Variants in DPP6 observed in about 807,000 individuals in gnomAD.
DPP6 encodes A-type potassium channel modulatory protein DPP6.
DPP6 carries 69 observed loss-of-function variants against 122.6 expected under a neutral mutation model. The ratio of observed to expected loss-of-function variants is 0.56; its 90% confidence interval spans 0.46 to 0.69. The LOEUF (loss-of-function observed/expected upper bound fraction) is 0.69. DPP6 is among the 30% of genes least tolerant of loss of function. The pLI is 0.00. For missense variants in DPP6, 928 were observed against 1,116.9 expected, an observed-to-expected ratio of 0.83 and a Z score of 2.41; for synonymous variants, 418 against 433.1, an observed-to-expected ratio of 0.97 and a Z score of 0.43.
the DPP6 span, among the ~76,000 whole-genome samples, chr7:153,794,784 C>T: frequency 1.3e-5 from 2 of 152,160 alleles, no homozygotes; most frequent in African/African-American, 2.4e-5. Context: ...GTAATTAAAT[C>T]ATGGGGACTG....
the DPP6 span, among the ~76,000 whole-genome samples, chr7:153,797,170 CA>C: frequency 4.6e-5 from 7 of 152,166 alleles, no homozygotes; most frequent in Non-Finnish European, 1.0e-4. Flanking sequence ...ACTTTCATCA[CA>C]GGCTTTCAAG....
At chr7:154,252,967 A>C (rs1218629839) in intron 1 of DPP6, among the ~76,000 whole-genome samples, 1 of 152,242 alleles carries the variant, frequency 6.6e-6, no homozygotes. Context: ...AAAAATCTCT[A>C]CTAAGACAAA....
In DPP6 at chr7:154,893,116, G is replaced by A. The variant is rs897248398; in HGVS notation, c.*636G>A. On this transcript the variant is annotated 3_prime_UTR_variant, in exon 26 of 26. Coordinates refer to ENST00000377770, the MANE Select transcript of DPP6 (RefSeq NM_130797.4). ...TATGGTTTTAACCTGATGCTCCACTGTCTCCGTCATGGGGTTGTTTTGCTG... is the reference window on the plus strand; with the variant it reads ...TATGGTTTTAACCTGATGCTCCACTATCTCCGTCATGGGGTTGTTTTGCTG... 4 of 361,390 alleles carry A rather than the reference G, an allele frequency of 1.1e-5. No individual in the cohort carries two copies. The highest frequency in any genetic ancestry group is 7.4e-5 in the East Asian group (1 of 13,502). The allele number at this position is 361,390 out of a possible 1,614,324, so 22.4% of individuals were successfully genotyped here.
At chr7:154,776,711 G>C (rs541165184) in intron 10 of DPP6, among the ~76,000 whole-genome samples, 10 of 152,288 alleles carry the variant, frequency 6.6e-5, no homozygotes, top group African/African-American at 2.2e-4. Flanking sequence ...GATATCTTCA[G>C]TTGTGCTGGT....
chr7:154,158,004 A>T (rs1979503), intron 1 of DPP6, among the ~76,000 whole-genome samples: 7,181 of 147,766 alleles, frequency 0.049, 218 homozygotes, highest in African/African-American at 0.068. Context: ...TATTTATACT[A>T]ATTTATTTAG....
At chr7:154,804,657 G>A (rs1798580239) in intron 14 of DPP6, among the ~76,000 whole-genome samples, 2 of 152,192 alleles carry the variant, frequency 1.3e-5, no homozygotes, top group African/African-American at 4.8e-5. Context: ...CCCAACCACA[G>A]TACCCTCTGG....
intron 1 of DPP6, among the ~76,000 whole-genome samples, chr7:153,948,596 T>C (rs966758112): frequency 5.6e-5 from 8 of 142,242 alleles, no homozygotes; most frequent in African/African-American, 1.8e-4. Flanking sequence ...CATTTTCTTC[T>C]CTACCTTCCT....
chr7:153,894,117 A>G lies in DPP6; in HGVS notation c.51+6383A>G, dbSNP rs73494316. Among the ~76,000 whole-genome samples the G allele has an allele frequency of 6.6e-3, 1,007 of 152,330 alleles. 11 individuals are homozygous for G. The highest frequency in any genetic ancestry group is 0.023 in the African/African-American group (958 of 41,572). On this transcript the variant is annotated intron_variant, in intron 1 of 25. Transcript: ENST00000404039. ...GCTTAATGAAAATGGAGTAAAGACTACAGACTAAACTTCTTGGGGACTGCC... is the reference window on the plus strand; with the variant it reads ...GCTTAATGAAAATGGAGTAAAGACTGCAGACTAAACTTCTTGGGGACTGCC...
At chr7:153,983,689 G>A (rs1796703580) in intron 1 of DPP6, among the ~76,000 whole-genome samples, 1 of 151,796 alleles carries the variant, frequency 6.6e-6, no homozygotes. Context: ...GGCACCCAAG[G>A]GAATCTCCTG....
At chr7:154,649,746 A>G (rs1216405681) in intron 6 of DPP6, among the ~76,000 whole-genome samples, 1 of 152,174 alleles carries the variant, frequency 6.6e-6, no homozygotes, top group Non-Finnish European at 1.5e-5. Flanking sequence ...TGACTGTGCC[A>G]TCTCTCATCT....
intron 1 of DPP6, among the ~76,000 whole-genome samples, chr7:153,910,953 C>T (rs1800065482): frequency 1.3e-5 from 2 of 152,190 alleles, no homozygotes; most frequent in African/African-American, 2.4e-5. Flanking sequence ...CTTGGCTTCC[C>T]TGCTTCCACT....
At chr7:154,063,307 G>C (rs1311656049) in intron 1 of DPP6, among the ~76,000 whole-genome samples, 1 of 121,200 alleles carries the variant, frequency 8.3e-6, no homozygotes, top group African/African-American at 3.1e-5. Flanking sequence ...ATGAGGCGGG[G>C]ACTGAGAGCC....
At chr7:154,091,114 C>G (rs1041530546) in intron 1 of DPP6, among the ~76,000 whole-genome samples, 4 of 143,352 alleles carry the variant, frequency 2.8e-5, no homozygotes, top group African/African-American at 5.7e-5. Context: ...GAGCAAGACT[C>G]CTTCTCAAAA....
Position 154,894,201 on chromosome 7 carries a change from T to C in DPP6, c.*1721T>C, listed in dbSNP as rs925269247. On this transcript the variant is annotated 3_prime_UTR_variant, in exon 26 of 26. Transcript: ENST00000377770. ...GCTAGGTCTGGAAGGGGAAGCCAGC[T>C]CTGGCCACGACATCTGGTCGGAGGG... The C allele has an allele frequency of 1.3e-5, 2 of 152,296 alleles. No homozygotes were observed. Among genetic ancestry groups the C allele is most frequent in the African/African-American group, 4.8e-5 (2 of 41,466 alleles). 9.4% of individuals were successfully genotyped at this position (152,296 alleles called of 1,614,324 possible).
chr7:153,845,464 T>A, the DPP6 span, among the ~76,000 whole-genome samples: 1 of 151,996 alleles, frequency 6.6e-6, no homozygotes, highest in Non-Finnish European at 1.5e-5. Context: ...TTATTTTTAT[T>A]CCATATCTTC....
intron 1 of DPP6, among the ~76,000 whole-genome samples, chr7:154,053,279 G>T (rs1435760906): frequency 4.0e-5 from 6 of 151,846 alleles, no homozygotes; most frequent in African/African-American, 1.2e-4. Context: ...CGGCGGCCGG[G>T]AGTTGGTGGC....
At chr7:154,862,275 A>C (rs995146329) in intron 17 of DPP6, among the ~76,000 whole-genome samples, 2 of 152,244 alleles carry the variant, frequency 1.3e-5, no homozygotes, top group Non-Finnish European at 2.9e-5. Context: ...CTTGGAGCGA[A>C]TCAGGCATGT....
Position 153,928,396 on chromosome 7 carries a change from A to ATGT in DPP6, c.51+40663_51+40664insGTT, listed in dbSNP as rs1275067491. ...CTGGCTAATTTTTTTCTTTTCTTTCATTTTTTTTTTTTTTTTTTTTTTTTT... is the reference window on the plus strand; with the variant it reads ...CTGGCTAATTTTTTTCTTTTCTTTCATGTTTTTTTTTTTTTTTTTTTTTTTTTT... On this transcript the variant is annotated intron_variant, in intron 1 of 25. Transcript: ENST00000404039. Among the ~76,000 whole-genome samples the ATGT allele has an allele frequency of 5.5e-3, 242 of 43,690 alleles. 11 individuals are homozygous for ATGT. Among genetic ancestry groups the ATGT allele is most frequent in the African/African-American group, 0.018 (232 of 12,636 alleles). 28.7% of individuals were successfully genotyped at this position (43,690 alleles called of 152,430 possible). A position where few individuals can be genotyped will look rare whatever the true frequency, so the allele number is the denominator to read the frequency against.
chr7:154,863,607 GAGTTTGAGACT>G lies in DPP6; in HGVS notation c.1715-4385_1715-4375del, dbSNP rs1803603423. 6.6e-6 allele frequency among the ~76,000 whole-genome samples: 1 copy of G among 152,110 alleles called. No individual in the cohort carries two copies. Among genetic ancestry groups the G allele is most frequent in the Non-Finnish European group, 1.5e-5 (1 of 68,030 alleles). Reference sequence around the variant, plus strand: ...AGCAAGGAAGATCTCTTGAGTCCAGGAGTTTGAGACTAGCCTGGGAAACACAATGAGACCCT... The same window carrying G: ...AGCAAGGAAGATCTCTTGAGTCCAGGAGCCTGGGAAACACAATGAGACCCT... On this transcript the variant is annotated intron_variant, in intron 17 of 25. Transcript: ENST00000377770. This position sits in a 1 kb window ranked among gnomAD's most constrained non-coding sequence, Gnocchi z 4.1.
Sources: gnomAD v4.1 joint callset for allele counts (sites outside exome capture counted in the v4.1 genomes callset) on GRCh38, gnomAD v4.1.1 for gene constraint, Gnocchi (gnomAD v3.1) non-coding constraint, MANE v1.5 for transcripts, NCBI Gene and HGNC (gene_info 2026-07-23, HGNC 2026-07-21) for gene names.